TSFM: variants seen among roughly 807,000 people sequenced by gnomAD.
The protein encoded by TSFM is elongation factor Ts, mitochondrial.
Under a neutral mutation model 33.4 loss-of-function variants are expected in TSFM, and 29 were observed. The observed-to-expected ratio is 0.87, with a 90% CI of 0.65 to 1.18. The LOEUF (loss-of-function observed/expected upper bound fraction) is 1.18. Ranked by LOEUF, TSFM falls within the 50% of genes most tolerant of loss-of-function variation. The probability of loss-of-function intolerance (pLI) is 0.00; values close to 1 mark genes in which losing one functional copy is unlikely to be tolerated. For missense variants in TSFM, 394 were observed against 395.6 expected, an observed-to-expected ratio of 1.00 and a Z score of 0.04; for synonymous variants, 178 against 163.5, an observed-to-expected ratio of 1.09 and a Z score of -0.68.
intron 2 of TSFM, chr12:57,784,024 G>A (rs1210770658): frequency 1.4e-6 from 1 of 702,784 alleles, no homozygotes; most frequent in African/African-American, 1.7e-5. Context: ...GGAGATTTTG[G>A]CTTATGCACA....
At chr12:57,798,806 G>A (rs1469215542), downstream of TSFM, among the ~76,000 whole-genome samples, 1 of 151,762 alleles carries the variant, frequency 6.6e-6, no homozygotes, top group Non-Finnish European at 1.5e-5. Flanking sequence ...TAGTACAGAC[G>A]GGGTTTCACC....
At chr12:57,794,950 G>A (rs1184520570) in intron 5 of TSFM, among the ~76,000 whole-genome samples, 2 of 151,652 alleles carry the variant, frequency 1.3e-5, no homozygotes, top group African/African-American at 2.4e-5. Flanking sequence ...TAGTAGAGAC[G>A]GGGTTTCACC....
intron 5 of TSFM, among the ~76,000 whole-genome samples, chr12:57,795,501 A>G (rs1198277803): frequency 2.0e-5 from 3 of 152,222 alleles, no homozygotes. Flanking sequence ...AATTTAGTAA[A>G]TGAGATTATG....
At chr12:57,802,852 C>T (rs1955877901), downstream of TSFM, 1 of 560,100 alleles carries the variant, frequency 1.8e-6, no homozygotes, top group African/African-American at 1.9e-5. Context: ...ATCCCTACTC[C>T]ACTGCCCTTA....
downstream of TSFM, chr12:57,798,097 G>T: frequency 3.1e-6 from 2 of 646,462 alleles, no homozygotes; most frequent in Non-Finnish European, 5.0e-6. Context: ...GTGGATCCTT[G>T]AAGAGGGAAG....
At chr12:57,793,529 G>T (rs1043387061) in intron 5 of TSFM, among the ~76,000 whole-genome samples, 4 of 152,114 alleles carry the variant, frequency 2.6e-5, no homozygotes, top group Non-Finnish European at 2.9e-5. Flanking sequence ...GCCACATTAG[G>T]CATCTTAAAG....
At chr12:57,791,431 C>G (rs1380486002) in intron 4 of TSFM, among the ~76,000 whole-genome samples, 1 of 152,146 alleles carries the variant, frequency 6.6e-6, no homozygotes, top group African/African-American at 2.4e-5. Flanking sequence ...CTACCCCGTT[C>G]CTATCCATCC....
At chr12:57,799,433 A>G (rs919722886), downstream of TSFM, among the ~76,000 whole-genome samples, 1 of 152,182 alleles carries the variant, frequency 6.6e-6, no homozygotes, top group East Asian at 1.9e-4. Flanking sequence ...AAGCTATTCC[A>G]GGTGTTTTAA....
intron 4 of TSFM, chr12:57,791,978 C>A (rs772214150): frequency 2.7e-6 from 1 of 364,206 alleles, no homozygotes; most frequent in Non-Finnish European, 5.6e-6. Flanking sequence ...CAGTGGCTCA[C>A]GCCTGTAAAC....
At chr12:57,798,061 G>A, downstream of TSFM, 1 of 1,256,588 alleles carries the variant, frequency 8.0e-7, no homozygotes, top group South Asian at 1.4e-5. Flanking sequence ...AGAAGTTGAG[G>A]AAGTTGGAGC....
chr12:57,796,213 C>A lies in TSFM; in HGVS notation c.608C>A (p.Ala203Glu). The A allele has an allele frequency of 6.3e-7, 1 of 1,598,262 alleles. No homozygotes were observed. The highest frequency in any genetic ancestry group is 2.2e-5 in the East Asian group (1 of 44,646). Residue 203 changes from alanine to glutamate, a missense_variant, in exon 6 of 6, where the codon GCA becomes GAA. This residue lies in a region of TSFM where 186 missense variants were observed against 198.8 expected (regional missense o/e 0.94). Transcript: ENST00000652027. ...GAAAACATGATTCTTAAACGAGCTG[C>A]ATGGGTGAAGGTGCCATCTGGGTTC... ...LGENMILKRA[A>E]WVKVPSGFYV...
At chr12:57,802,645 C>G (rs1324329865), downstream of TSFM, 1 of 667,168 alleles carries the variant, frequency 1.5e-6, no homozygotes, top group Admixed American at 2.4e-5. Context: ...CTCTAAGCAC[C>G]TTAAAAATAA....
chr12:57,799,131 G>A (rs1955795548), downstream of TSFM, among the ~76,000 whole-genome samples: 1 of 152,192 alleles, frequency 6.6e-6, no homozygotes, highest in Non-Finnish European at 1.5e-5. Context: ...AGCAGTATTA[G>A]GGTGGTCAGG....
chr12:57,789,677 G>A (rs1477933502), intron 4 of TSFM, among the ~76,000 whole-genome samples: 1 of 152,156 alleles, frequency 6.6e-6, no homozygotes, highest in East Asian at 1.9e-4. Flanking sequence ...AAATGTGTTA[G>A]TTTTAGTAGT....
chr12:57,793,320 C>T (rs1462118663), intron 5 of TSFM, among the ~76,000 whole-genome samples: 5 of 152,118 alleles, frequency 3.3e-5, no homozygotes, highest in African/African-American at 9.7e-5. Flanking sequence ...CTCCGCCTCC[C>T]AGGTTCCTGC....
chr12:57,783,754 C>A, intron 2 of TSFM: 1 of 576,496 alleles, frequency 1.7e-6, no homozygotes, highest in Non-Finnish European at 3.1e-6. Context: ...CCACGACACC[C>A]GGCTATTTTA....
chr12:57,785,896 A>C (rs1259597775), intron 2 of TSFM, among the ~76,000 whole-genome samples: 3 of 152,236 alleles, frequency 2.0e-5, no homozygotes, highest in Admixed American at 6.5e-5. Flanking sequence ...GTCATTGTCC[A>C]AAATATCGTT....
At position 57,796,549 on chromosome 12, in the gene TSFM, G is replaced by A. The variant is rs587777688; in HGVS notation, c.944G>A (p.Cys315Tyr). Reference sequence around the variant, plus strand: ...GTAGTAGACTTTGTGCGGTTTGAATGTGGAGAAGGTGAAGAGGCAGCAGAA... The same window carrying A: ...GTAGTAGACTTTGTGCGGTTTGAATATGGAGAAGGTGAAGAGGCAGCAGAA... ...VSVVDFVRFE[C>Y]GEGEEAAETE Residue 315 changes from cysteine (C) to tyrosine (Y), a missense_variant, in exon 6 of 6, where the codon TGT (cysteine) becomes TAT (tyrosine). This residue lies in a region of TSFM where 186 missense variants were observed against 198.8 expected (regional missense o/e 0.94). Coordinates refer to ENST00000652027, the MANE Select transcript of TSFM (RefSeq NM_005726.6). 1.3e-5 allele frequency: 19 copies of A among 1,452,644 alleles called. No individual in the cohort carries two copies. Among genetic ancestry groups the A allele is most frequent in the African/African-American group, 2.8e-5 (2 of 70,852 alleles). The allele number at this position is 1,452,644 out of a possible 1,614,324, so 90.0% of individuals were successfully genotyped here.
At chr12:57,786,063 G>C (rs898320136) in intron 2 of TSFM, 100 bp from the exon 3 acceptor site, 1 of 1,359,942 alleles carries the variant, frequency 7.4e-7, no homozygotes, top group Non-Finnish European at 9.7e-7. Context: ...GTTTCTGTTA[G>C]AGAATTTAGA....
Sources: allele counts gnomAD v4.1 joint callset (sites outside exome capture counted in the v4.1 genomes callset), GRCh38; gene constraint gnomAD v4.1.1; regional missense constraint gnomAD v4.1.1; transcripts MANE v1.5; gene names NCBI Gene and HGNC (gene_info 2026-07-23, HGNC 2026-07-21).